ABI3BP: variants seen among roughly 807,000 people sequenced by gnomAD.
ABI3BP encodes the protein ABI family member 3 binding protein, also known as target of Nesh-SH3.
In ABI3BP, 216 loss-of-function variants were observed where a neutral mutation model predicts 268.6. The observed-to-expected ratio is 0.80, with a 90% confidence interval of 0.72 to 0.90. The LOEUF (loss-of-function observed/expected upper bound fraction) is 0.90, where lower values mean the gene tolerates loss of function less well. Among genes scored for constraint, ABI3BP ranks in the 40% least tolerant of loss-of-function variants. ABI3BP has a pLI of 0.00. For missense variants in ABI3BP, 2,090 were observed against 2,182.4 expected, an observed-to-expected ratio of 0.96 and a Z score of 0.84; for synonymous variants, 730 against 730.0, an observed-to-expected ratio of 1.00 and a Z score of 0.00.
intron 1 of ABI3BP, among the ~76,000 whole-genome samples, chr3:100,977,305 G>A (rs2086733180): frequency 6.6e-6 from 1 of 152,120 alleles, no homozygotes; most frequent in Non-Finnish European, 1.5e-5. Context: ...AAAGCTTAGT[G>A]GCTTAATCAA....
intron 51 of ABI3BP, among the ~76,000 whole-genome samples, chr3:100,803,982 T>C (rs183613646): frequency 3.9e-5 from 6 of 152,310 alleles, no homozygotes; most frequent in Admixed American, 3.3e-4. Flanking sequence ...ATTCTTTGGC[T>C]CTGGAAATGT....
At chr3:100,843,779 C>A in intron 20 of ABI3BP, 1 of 983,872 alleles carries the variant, frequency 1.0e-6, no homozygotes, top group Non-Finnish European at 1.2e-6. Context: ...CTGAAGATAG[C>A]AAACAAAAAA....
At chr3:100,840,422 C>T (rs998941836) in intron 22 of ABI3BP, among the ~76,000 whole-genome samples, 7 of 152,074 alleles carry the variant, frequency 4.6e-5, no homozygotes, top group African/African-American at 7.2e-5. Context: ...CTTTGTACAG[C>T]TTAGAGAAGA....
chr3:100,922,526 T>C (rs1405651100), intron 2 of ABI3BP, among the ~76,000 whole-genome samples: 2 of 106,948 alleles, frequency 1.9e-5, no homozygotes, highest in Admixed American at 1.0e-4. Context: ...TGTGATGCGA[T>C]GGTGATGGTG....
intron 18 of ABI3BP, among the ~76,000 whole-genome samples, chr3:100,848,460 T>C (rs1465525617): frequency 7.5e-6 from 1 of 132,720 alleles, no homozygotes; most frequent in Non-Finnish European, 1.6e-5. Flanking sequence ...GAAACTAATC[T>C]ATAAAACATA....
intron 1 of ABI3BP, among the ~76,000 whole-genome samples, chr3:100,955,638 AATACT>A (rs1342516811): frequency 6.6e-6 from 1 of 152,216 alleles, no homozygotes; most frequent in Non-Finnish European, 1.5e-5. Flanking sequence ...TAGTATTAAC[AATACT>A]TTACACGTGG....
chr3:100,829,703 G>A (rs1263944587), intron 32 of ABI3BP, 39 bp from the exon 33 acceptor site: 8 of 1,442,262 alleles, frequency 5.5e-6, no homozygotes, highest in Non-Finnish European at 7.5e-6. Context: ...AGCGTGTTTG[G>A]TTCCGGAAGC....
At chr3:100,879,220 T>C (rs2099200030) in intron 6 of ABI3BP, among the ~76,000 whole-genome samples, 1 of 152,200 alleles carries the variant, frequency 6.6e-6, no homozygotes, top group African/African-American at 2.4e-5. Flanking sequence ...CTTCTATGTG[T>C]TTGACACTTC....
intron 1 of ABI3BP, among the ~76,000 whole-genome samples, chr3:100,963,361 C>T (rs1474030025): frequency 6.6e-6 from 1 of 152,120 alleles, no homozygotes; most frequent in Non-Finnish European, 1.5e-5. Context: ...CTTCTTTCCT[C>T]CTCAAATATC....
chr3:100,943,521 A>G (rs1156885701), intron 1 of ABI3BP, among the ~76,000 whole-genome samples: 2 of 152,142 alleles, frequency 1.3e-5, no homozygotes, highest in Non-Finnish European at 2.9e-5. Flanking sequence ...TAATATCATC[A>G]TCAACCCAGA....
At chr3:100,929,238 T>A (rs189136451) in intron 1 of ABI3BP, among the ~76,000 whole-genome samples, 2 of 152,146 alleles carry the variant, frequency 1.3e-5, no homozygotes, top group Admixed American at 1.3e-4. Flanking sequence ...AGACTTTTGC[T>A]CATGGACTCT....
In ABI3BP at chr3:100,864,880, G is replaced by C; in HGVS notation, c.1016C>G (p.Thr339Ser). 1 of 1,608,372 alleles carries C rather than the reference G, an allele frequency of 6.2e-7. No individual in the cohort carries two copies. Among genetic ancestry groups the C allele is most frequent in the East Asian group, 2.2e-5 (1 of 44,814 alleles). ...TVTPETVPRS[T>S]KPTTSSALDV... is the part of the protein sequence containing the mutation. ...TAATGCACTAGACGTAGTGGGTTTA[G>C]TGCTTCTTGGAACTGTTTCAGGAGT... The change falls in exon 11 of 68, where the codon ACT (threonine) becomes AGT (serine). Residue 339 changes from threonine (T) to serine (S), a missense_variant. By Grantham distance (58) the Thr-to-Ser change is moderately conservative. Coordinates refer to ENST00000471714, the MANE Select transcript of ABI3BP (RefSeq NM_001375547.2).
intron 65 of ABI3BP, among the ~76,000 whole-genome samples, chr3:100,753,419 A>G (rs1015719992): frequency 2.6e-5 from 4 of 151,388 alleles, no homozygotes; most frequent in Non-Finnish European, 4.4e-5. Flanking sequence ...CCAAGTAGCT[A>G]GGACCACAGG....
intron 1 of ABI3BP, among the ~76,000 whole-genome samples, chr3:100,944,895 G>A (rs2071376571): frequency 6.6e-6 from 1 of 152,114 alleles, no homozygotes; most frequent in Admixed American, 6.6e-5. Flanking sequence ...GAGGCTCTAA[G>A]AAAGGCCATT....
chr3:100,919,010 T>C (rs1282407659), intron 2 of ABI3BP, among the ~76,000 whole-genome samples: 1 of 152,214 alleles, frequency 6.6e-6, no homozygotes, highest in African/African-American at 2.4e-5. Context: ...CTTGCATCCG[T>C]ATCGAGTCTG....
At chr3:100,841,173 G>A (rs991262484) in intron 21 of ABI3BP, among the ~76,000 whole-genome samples, 11 of 134,900 alleles carry the variant, frequency 8.2e-5, no homozygotes, top group Non-Finnish European at 1.7e-4. Context: ...ATGGGTAATT[G>A]GCTAAGATGG....
At chr3:100,960,680 G>T (rs1287883974) in intron 1 of ABI3BP, among the ~76,000 whole-genome samples, 1 of 152,182 alleles carries the variant, frequency 6.6e-6, no homozygotes, top group Non-Finnish European at 1.5e-5. Context: ...GCGTGCAAAA[G>T]ATTCAACCCA....
intron 2 of ABI3BP, among the ~76,000 whole-genome samples, chr3:100,914,634 G>A (rs978814101): frequency 6.6e-6 from 1 of 152,202 alleles, no homozygotes; most frequent in Non-Finnish European, 1.5e-5. Flanking sequence ...CCGCTATAGA[G>A]AGTGAGTGGA....
chr3:100,800,121 C>T (rs548159606), intron 51 of ABI3BP, among the ~76,000 whole-genome samples: 107 of 152,218 alleles, frequency 7.0e-4, no homozygotes, highest in African/African-American at 2.6e-3. Context: ...AGCATTATTC[C>T]CTTAGTTTCC....
Sources: gnomAD v4.1 joint callset for allele counts (sites outside exome capture counted in the v4.1 genomes callset) on GRCh38, gnomAD v4.1.1 for gene constraint, MANE v1.5 for transcripts, NCBI Gene and HGNC (gene_info 2026-07-23, HGNC 2026-07-21) for gene names.